Variants in PCDH15 observed in about 807,000 individuals in gnomAD.
PCDH15 encodes the protein protocadherin-15.
Under a neutral mutation model 178.5 loss-of-function variants are expected in PCDH15, and 129 were observed. The observed-to-expected ratio is 0.72, with a 90% confidence interval of 0.63 to 0.84. The LOEUF is 0.84. PCDH15 is among the 40% of genes least tolerant of loss of function. PCDH15 has a pLI of 0.00. For synonymous variants in PCDH15, 800 were observed against 732.0 expected, an observed-to-expected ratio of 1.09 and a Z score of -1.50; for missense variants, 2,230 against 2,099.9, an observed-to-expected ratio of 1.06 and a Z score of -1.21.
chr10:53,823,808 G>C (rs984282295), intron 32 of PCDH15: 3 of 456,384 alleles, frequency 6.6e-6, no homozygotes, highest in East Asian at 7.0e-5. Flanking sequence ...TTCTGTCCTA[G>C]AGCCAAAAGT....
intron 1 of PCDH15, among the ~76,000 whole-genome samples, chr10:54,785,990 T>A (rs1950836146): frequency 1.3e-5 from 2 of 152,008 alleles, no homozygotes; most frequent in Admixed American, 1.3e-4. Flanking sequence ...TTATTTTGGA[T>A]TCTACATTTT....
intron 2 of PCDH15, among the ~76,000 whole-genome samples, chr10:55,448,967 G>A (rs1839375422): frequency 6.6e-6 from 1 of 152,008 alleles, no homozygotes; most frequent in African/African-American, 2.4e-5. Context: ...ATCATCTTAA[G>A]TAGACAATCA....
intron 1 of PCDH15, among the ~76,000 whole-genome samples, chr10:55,286,060 T>G (rs1842861443): frequency 1.3e-5 from 2 of 151,976 alleles, no homozygotes; most frequent in Non-Finnish European, 2.9e-5. Flanking sequence ...AACATGAAAC[T>G]CTCATTTTAA....
At chr10:54,952,051 T>A (rs1331420625) in intron 2 of PCDH15, among the ~76,000 whole-genome samples, 3 of 151,836 alleles carry the variant, frequency 2.0e-5, no homozygotes, top group Admixed American at 6.6e-5. Context: ...TTTAATAAAA[T>A]TCAGCTATTC....
chr10:54,214,575 G>A (rs1005963256), intron 9 of PCDH15, among the ~76,000 whole-genome samples: 2 of 151,910 alleles, frequency 1.3e-5, no homozygotes, highest in African/African-American at 2.4e-5. Context: ...TACTCTTAAT[G>A]TCTACACAGG....
chr10:55,333,464 A>G (rs1844268053), intron 2 of PCDH15, among the ~76,000 whole-genome samples: 1 of 152,168 alleles, frequency 6.6e-6, no homozygotes, highest in Admixed American at 6.6e-5. Context: ...CAAGAAAAAT[A>G]TGTGAAATTT....
chr10:53,919,642 A>T (rs2083829317), intron 25 of PCDH15, among the ~76,000 whole-genome samples: 1 of 152,224 alleles, frequency 6.6e-6, no homozygotes, highest in East Asian at 1.9e-4. Context: ...CTGAACCCGT[A>T]ACAACATATA....
intron 21 of PCDH15, chr10:53,995,427 T>C: frequency 1.5e-6 from 1 of 687,670 alleles, no homozygotes; most frequent in Non-Finnish European, 2.4e-6. Context: ...ACATTGTGCA[T>C]TCTAGAAAAA....
At chr10:54,476,636 A>C (rs2078292698) in intron 3 of PCDH15, among the ~76,000 whole-genome samples, 1 of 152,128 alleles carries the variant, frequency 6.6e-6, no homozygotes, top group African/African-American at 2.4e-5. Flanking sequence ...GGTGATCAGA[A>C]ATTTGGAGGA....
upstream of PCDH15, among the ~76,000 whole-genome samples, chr10:55,322,197 T>C (rs1206845998): frequency 1.3e-5 from 2 of 152,152 alleles, no homozygotes; most frequent in African/African-American, 4.8e-5. Flanking sequence ...CCCCTACCCA[T>C]GATCTCTTGC....
chr10:54,881,528 G>T (rs73259925), intron 3 of PCDH15, among the ~76,000 whole-genome samples: 7,263 of 152,036 alleles, frequency 0.048, 571 homozygotes, highest in African/African-American at 0.16. Context: ...TTAACAAAAA[G>T]ACCTTTTGTT....
In PCDH15 at chr10:55,366,925, G is replaced by A. The variant is rs1845374660; in HGVS notation, c.-155-200274C>T. 3.7e-5 allele frequency among the ~76,000 whole-genome samples: 5 copies of A among 134,960 alleles called. No individual in the cohort carries two copies. The South Asian group carries it at 1.1e-3, about 29-fold the overall frequency. The allele number at this position is 134,960 out of a possible 152,430, so 88.5% of individuals were successfully genotyped here. ...GTGTGTGTGTTTCATTTGTTTGCGT[G>A]TGTGTGTGTGTGTGTGTGTTTCACT... On this transcript the variant is annotated intron_variant, in intron 2 of 5. Transcript: ENST00000613346.
chr10:55,464,640 ATATATATATATATATGTG>A (rs1839789694), intron 2 of PCDH15, among the ~76,000 whole-genome samples: 1 of 72,128 alleles, frequency 1.4e-5, no homozygotes, highest in African/African-American at 6.7e-5. Flanking sequence ...ATATATATAT[ATATATATATATATATGTG>A]TGTGTGTGTG....
At position 54,256,042 on chromosome 10, in the gene PCDH15, G is replaced by A. The variant is rs193098422; in HGVS notation, c.877-19111C>T. ...AAAGGGGAAGACCTCCCCAAATTCC[G>A]AGAATAGTCTCCGGAAGGATACCCT... On this transcript the variant is annotated intron_variant, in intron 8 of 37. Transcript: ENST00000644397. Among the ~76,000 whole-genome samples, 7 of 152,202 alleles carry A rather than the reference G, an allele frequency of 4.6e-5. No homozygotes were observed. The East Asian group carries it at 1.2e-3, about 25-fold the overall frequency.
intron 1 of PCDH15, among the ~76,000 whole-genome samples, chr10:54,777,152 T>G (rs1949798279): frequency 6.6e-6 from 1 of 152,186 alleles, no homozygotes; most frequent in African/African-American, 2.4e-5. Flanking sequence ...GTAAGGTGAC[T>G]ATTTTCATGC....
chr10:55,094,032 C>T (rs1448403413), intron 2 of PCDH15, among the ~76,000 whole-genome samples: 2 of 152,034 alleles, frequency 1.3e-5, no homozygotes, highest in African/African-American at 2.4e-5. Flanking sequence ...CCCAGGGAAC[C>T]CATTGCTGGG....
At chr10:54,833,747 C>T (rs1484157065) in intron 3 of PCDH15, among the ~76,000 whole-genome samples, 2 of 152,128 alleles carry the variant, frequency 1.3e-5, no homozygotes, top group Non-Finnish European at 2.9e-5. Flanking sequence ...TTGGATAATA[C>T]ACAATGTGAT....
intron 13 of PCDH15, among the ~76,000 whole-genome samples, chr10:54,162,668 T>C (rs1011481728): frequency 2.0e-5 from 3 of 152,184 alleles, no homozygotes; most frequent in Non-Finnish European, 4.4e-5. Flanking sequence ...CAAGATATAC[T>C]TGAGAACTCT....
chr10:55,019,337 T>C (rs1564721500), intron 2 of PCDH15, among the ~76,000 whole-genome samples: 1 of 152,118 alleles, frequency 6.6e-6, no homozygotes, highest in African/African-American at 2.4e-5. Context: ...ACTCATGTGT[T>C]TTTGTTTGTT....
Sources: gnomAD v4.1 joint callset for allele counts (sites outside exome capture counted in the v4.1 genomes callset) on GRCh38, gnomAD v4.1.1 for gene constraint, MANE v1.5 for transcripts, NCBI Gene and HGNC (gene_info 2026-07-23, HGNC 2026-07-21) for gene names.